The following FOXO3 variants were observed in gnomAD, a reference collection of about 807,000 sequenced individuals.
FOXO3 encodes the protein forkhead box O3, also known as forkhead box protein O3.
FOXO3 carries 4 observed loss-of-function variants against 41.9 expected under a neutral mutation model. The ratio of observed to expected loss-of-function variants is 0.10; its 90% CI spans 0.05 to 0.22. The LOEUF is 0.22. Ranked by LOEUF, FOXO3 falls within the 10% of genes least tolerant of loss-of-function variation. FOXO3 has a pLI of 1.00. For missense variants in FOXO3, 534 were observed against 906.8 expected (o/e 0.59, Z 5.28); for synonymous variants, 318 against 389.3 (o/e 0.82, Z 2.16).
intron 1 of FOXO3, among the ~76,000 whole-genome samples, chr6:108,580,773 T>A (rs1776396122): frequency 6.6e-6 from 1 of 152,254 alleles, no homozygotes; most frequent in South Asian, 2.1e-4. Context: ...TCTACGTAGC[T>A]GTCATTGTTT....
At chr6:108,610,106 A>G (rs1251268387) in intron 1 of FOXO3, among the ~76,000 whole-genome samples, 4 of 152,032 alleles carry the variant, frequency 2.6e-5, no homozygotes, top group Non-Finnish European at 5.9e-5. Flanking sequence ...CCCTCCCCAT[A>G]TACAGGCTTT....
intron 1 of FOXO3, among the ~76,000 whole-genome samples, chr6:108,636,463 G>A (rs1778124090): frequency 6.6e-6 from 1 of 152,128 alleles, no homozygotes; most frequent in South Asian, 2.1e-4. Flanking sequence ...CAAACCCTGT[G>A]TGTTGAGCCC....
At chr6:108,610,953 A>G (rs1777345222) in intron 1 of FOXO3, among the ~76,000 whole-genome samples, 1 of 152,232 alleles carries the variant, frequency 6.6e-6, no homozygotes, top group Admixed American at 6.5e-5. Flanking sequence ...TAACACCACA[A>G]TTACGATAAA....
chr6:108,652,819 G>A (rs1362489459), intron 1 of FOXO3, among the ~76,000 whole-genome samples: 2 of 152,152 alleles, frequency 1.3e-5, no homozygotes, highest in African/African-American at 4.8e-5. Context: ...GAACCAGAAT[G>A]TGTTATTTGT....
rs371221376 is a variant in FOXO3, at chr6:108,648,525, C to T, written c.622-14930C>T. Among the ~76,000 whole-genome samples, 56 of 152,306 alleles carry T rather than the reference C, an allele frequency of 3.7e-4. No individual in the cohort carries two copies. In the East Asian group the frequency reaches 6.8e-3, roughly 18 times the overall value. On this transcript the variant is annotated intron_variant, in intron 1 of 2. Transcript: ENST00000406360. ...GAGCCAGGTCAGAGCATTCAGAGTG[C>T]TGGAGCCATGTATGTCTGCCTCTCT...
chr6:108,575,909 AT>A (rs1291514779), intron 1 of FOXO3, among the ~76,000 whole-genome samples: 1 of 152,218 alleles, frequency 6.6e-6, no homozygotes, highest in Non-Finnish European at 1.5e-5. Context: ...TAAAATAATA[AT>A]GATCACTTAG....
At chr6:108,593,781 A>G (rs989993790) in intron 1 of FOXO3, among the ~76,000 whole-genome samples, 8 of 134,888 alleles carry the variant, frequency 5.9e-5, no homozygotes, top group Admixed American at 8.2e-5. Context: ...CAGTGGCTCA[A>G]TCTTGGCTCA....
intron 1 of FOXO3, among the ~76,000 whole-genome samples, chr6:108,606,821 T>G (rs1401131980): frequency 6.6e-6 from 1 of 152,148 alleles, no homozygotes; most frequent in African/African-American, 2.4e-5. Context: ...TTGACCACTG[T>G]TGTGTGTGAT....
At chr6:108,678,068 A>G (rs962115348) in intron 2 of FOXO3, among the ~76,000 whole-genome samples, 1 of 152,352 alleles carries the variant, frequency 6.6e-6, no homozygotes, top group East Asian at 1.9e-4. Flanking sequence ...TTTAACAAGG[A>G]TAAGTAAATA....
chr6:108,655,126 T>C (rs1778649335), intron 1 of FOXO3, among the ~76,000 whole-genome samples: 1 of 152,180 alleles, frequency 6.6e-6, no homozygotes, highest in Non-Finnish European at 1.5e-5. Flanking sequence ...TTTGTGAAAG[T>C]CCACATGCCT....
chr6:108,646,717 T>C (rs1164932740), intron 1 of FOXO3, among the ~76,000 whole-genome samples: 2 of 152,218 alleles, frequency 1.3e-5, no homozygotes, highest in Non-Finnish European at 2.9e-5. Context: ...GAAAAGAGAA[T>C]GTGTACTTCT....
rs185182123 is a variant in FOXO3, at chr6:108,571,577, G to A, written c.621+9748G>A. Among the ~76,000 whole-genome samples the A allele has an allele frequency of 2.5e-4, 38 of 152,342 alleles. No homozygotes were observed. In the East Asian group the frequency reaches 4.4e-3, roughly 18 times the overall value. On this transcript the variant is annotated intron_variant, in intron 1 of 2. Transcript: ENST00000406360. ...AATACATAGAGACCCAAATAAGGCC[G>A]TGGGAAGTTGGGGACAAATATTAGA...
intron 1 of FOXO3, among the ~76,000 whole-genome samples, chr6:108,586,508 G>A (rs570038913): frequency 3.9e-5 from 6 of 152,030 alleles, no homozygotes; most frequent in African/African-American, 1.2e-4. Context: ...TTTTTTTGAC[G>A]TAACATGAGC....
At chr6:108,574,152 C>CAAA (rs1200932714) in intron 1 of FOXO3, among the ~76,000 whole-genome samples, 15 of 72,616 alleles carry the variant, frequency 2.1e-4, no homozygotes, top group South Asian at 4.3e-4. Flanking sequence ...GACTCTGTCT[C>CAAA]AAAAAAAAAA....
intron 1 of FOXO3, among the ~76,000 whole-genome samples, chr6:108,650,984 A>G (rs1023881345): frequency 6.6e-6 from 1 of 152,204 alleles, no homozygotes; most frequent in Non-Finnish European, 1.5e-5. Context: ...TGAACAAGAA[A>G]AAAAAATCTT....
chr6:108,573,299 ATAAG>A (rs554990811), intron 1 of FOXO3, among the ~76,000 whole-genome samples: 63 of 152,100 alleles, frequency 4.1e-4, no homozygotes, highest in African/African-American at 8.7e-4. Context: ...AAATAAATAA[ATAAG>A]TAAGTAAGTA....
chr6:108,602,255 T>C (rs1471915255), intron 1 of FOXO3, among the ~76,000 whole-genome samples: 1 of 152,190 alleles, frequency 6.6e-6, no homozygotes, highest in Non-Finnish European at 1.5e-5. Context: ...GTCACTCTTT[T>C]TTTTCTTTCC....
At chr6:108,585,990 T>A (rs1347772741) in intron 1 of FOXO3, among the ~76,000 whole-genome samples, 1 of 152,154 alleles carries the variant, frequency 6.6e-6, no homozygotes, top group Non-Finnish European at 1.5e-5. Context: ...TCCCACTTTC[T>A]CAGCCGGCTT....
chr6:108,633,381 CT>C (rs1469841189), intron 1 of FOXO3, among the ~76,000 whole-genome samples: 1 of 151,596 alleles, frequency 6.6e-6, no homozygotes, highest in Non-Finnish European at 1.5e-5. Flanking sequence ...AAGGATTTGT[CT>C]TATCTGCTGA....
Sources: allele counts gnomAD v4.1 joint callset (sites outside exome capture counted in the v4.1 genomes callset), GRCh38; gene constraint gnomAD v4.1.1; transcripts MANE v1.5; gene names NCBI Gene and HGNC (gene_info 2026-07-23, HGNC 2026-07-21).